The following SKA2 variants were observed in gnomAD, a reference collection of about 807,000 sequenced individuals.
SKA2 encodes spindle and kinetochore associated complex subunit 2.
A neutral mutation model predicts 16.9 loss-of-function variants in SKA2; 13 were observed. That is an observed-to-expected ratio of 0.77 (90% CI 0.50 to 1.22). SKA2 has a LOEUF of 1.22. SKA2 is among the 50% of genes most tolerant of loss of function. The pLI, the probability that SKA2 is intolerant of heterozygous loss-of-function variation, is 0.00. For missense variants in SKA2, 107 were observed against 139.7 expected (o/e 0.77, Z 1.18); for synonymous variants, 47 against 48.5 (o/e 0.97, Z 0.13).
rs556106581 is a variant in SKA2, at chr17:59,126,600, TC to T, written c.120+4680del. On this transcript the variant is annotated intron_variant, in intron 2 of 3. Coordinates refer to ENST00000330137, the MANE Select transcript of SKA2 (RefSeq NM_182620.4). ...ATCATTAAGACTGATGTTGGACAAA[TC>T]TACAAAGATTAAAATCATGGCTTTA... Among the ~76,000 whole-genome samples the T allele has an allele frequency of 5.8e-4, 88 of 152,304 alleles. 2 individuals are homozygous for T. The highest frequency in any genetic ancestry group is 2.0e-3 in the African/African-American group (84 of 41,560).
chr17:59,141,246 A>C (rs1186572326), intron 1 of SKA2, among the ~76,000 whole-genome samples: 1 of 151,996 alleles, frequency 6.6e-6, no homozygotes, highest in Non-Finnish European at 1.5e-5. Context: ...AAAATACAAA[A>C]ATTGGCTGGG....
chr17:59,133,737 T>C (rs1227038321), intron 1 of SKA2, among the ~76,000 whole-genome samples: 2 of 152,170 alleles, frequency 1.3e-5, no homozygotes, highest in Non-Finnish European at 2.9e-5. Flanking sequence ...CTAGTTTCCA[T>C]CACTAATAAT....
At chr17:59,130,296 T>C (rs563915169) in intron 2 of SKA2, among the ~76,000 whole-genome samples, 5 of 152,044 alleles carry the variant, frequency 3.3e-5, no homozygotes, top group Admixed American at 6.6e-5. Context: ...CACTGTTTCT[T>C]GTCTGCTGGT....
At chr17:59,124,613 G>A (rs1023761545) in intron 2 of SKA2, among the ~76,000 whole-genome samples, 3 of 152,104 alleles carry the variant, frequency 2.0e-5, no homozygotes, top group Admixed American at 6.6e-5. Context: ...GGAGAATGAT[G>A]AGTTCCCCAA....
intron 1 of SKA2, among the ~76,000 whole-genome samples, chr17:59,153,820 G>A (rs944102169): frequency 6.6e-6 from 1 of 151,684 alleles, no homozygotes; most frequent in Non-Finnish European, 1.5e-5. Flanking sequence ...TCGCAAGGCC[G>A]GAGTACAGTG....
At chr17:59,130,746 T>C (rs2046406811) in intron 2 of SKA2, among the ~76,000 whole-genome samples, 1 of 152,196 alleles carries the variant, frequency 6.6e-6, no homozygotes, top group Admixed American at 6.6e-5. Context: ...TTGGAGATTA[T>C]TTACTTTCAC....
chr17:59,137,510 T>G (rs2046454763), intron 1 of SKA2, among the ~76,000 whole-genome samples: 1 of 152,150 alleles, frequency 6.6e-6, no homozygotes. Context: ...TGTCCCTAGG[T>G]TAAGTCCCTC....
chr17:59,138,919 G>A (rs996039261), intron 1 of SKA2, among the ~76,000 whole-genome samples: 1 of 152,120 alleles, frequency 6.6e-6, no homozygotes, highest in Non-Finnish European at 1.5e-5. Flanking sequence ...CATTGCCACC[G>A]TATGCTCTCC....
intron 1 of SKA2, among the ~76,000 whole-genome samples, chr17:59,153,962 G>T (rs1358361028): frequency 6.6e-6 from 1 of 151,668 alleles, no homozygotes; most frequent in East Asian, 1.9e-4. Flanking sequence ...AGTATAGACG[G>T]AGTTTCACCA....
In SKA2 at chr17:59,112,086, A is replaced by G; in HGVS notation, c.*191T>C. ...ATTCTCATTTGATCCTTTTGGCTGA[A>G]CTTTATTCATATATTATCTGCCCTT... On this transcript the variant is annotated 3_prime_UTR_variant, in exon 4 of 4. Transcript: ENST00000330137. 1.7e-6 allele frequency: 1 copy of G among 571,798 alleles called. No individual in the cohort carries two copies. 35.4% of individuals were successfully genotyped at this position (571,798 alleles called of 1,614,324 possible).
At chr17:59,112,841 T>C (rs966959891) in intron 3 of SKA2, among the ~76,000 whole-genome samples, 3 of 152,110 alleles carry the variant, frequency 2.0e-5, no homozygotes, top group African/African-American at 4.8e-5. Context: ...CACTGTATTG[T>C]GGAAGGAATA....
At chr17:59,115,233 C>A (rs991200171) in intron 3 of SKA2, among the ~76,000 whole-genome samples, 20 of 151,532 alleles carry the variant, frequency 1.3e-4, no homozygotes, top group Admixed American at 3.9e-4. Flanking sequence ...TTTTGTATTT[C>A]TTTAGTAGAG....
Position 59,124,609 on chromosome 17 carries a change from T to C in SKA2, c.121-5114A>G, listed in dbSNP as rs73319250. On this transcript the variant is annotated intron_variant, in intron 2 of 3. Coordinates refer to ENST00000330137, the MANE Select transcript of SKA2 (RefSeq NM_182620.4). ...CATGTATTAATATAACTCAGGAGAA[T>C]GATGAGTTCCCCAAATACAGATTCA... 9.1e-3 allele frequency among the ~76,000 whole-genome samples: 1,392 copies of C among 152,206 alleles called. 26 individuals carry two copies. Among genetic ancestry groups the C allele is most frequent in the African/African-American group, 0.031 (1,284 of 41,504 alleles).
At chr17:59,153,504 AT>A (rs1356284460) in intron 1 of SKA2, among the ~76,000 whole-genome samples, 1 of 152,126 alleles carries the variant, frequency 6.6e-6, no homozygotes, top group Admixed American at 6.6e-5. Context: ...TTCAAATTAA[AT>A]TTGTATATGA....
At chr17:59,154,949 C>T (rs1239879995) in intron 1 of SKA2, 182 bp downstream of exon 1, 9 of 1,613,888 alleles carry the variant, frequency 5.6e-6, no homozygotes, top group Non-Finnish European at 7.6e-6. Context: ...CGGATGTAAC[C>T]CCTTACCCGA....
chr17:59,123,021 CA>C lies in SKA2; in HGVS notation c.121-3527del, dbSNP rs1197154280. Among the ~76,000 whole-genome samples, 378 of 49,154 alleles carry C rather than the reference CA, an allele frequency of 7.7e-3. 1 individual carries two copies. Among genetic ancestry groups the C allele is most frequent in the Admixed American group, 0.01 (44 of 4,264 alleles). 32.2% of individuals were successfully genotyped at this position (49,154 alleles called of 152,430 possible). A position where few individuals can be genotyped will look rare whatever the true frequency, so the allele number is the denominator to read the frequency against. ...TGGGCGGCAGAGCAAAACCTTGTCT[CA>C]AAAAAAAAAAAAAAAAAGAAAAGAA... is the stretch of plus-strand genomic sequence containing the variant. On this transcript the variant is annotated intron_variant, in intron 2 of 3. Transcript: ENST00000330137.
intron 2 of SKA2, among the ~76,000 whole-genome samples, chr17:59,126,823 T>C (rs1200292450): frequency 1.3e-5 from 2 of 152,208 alleles, no homozygotes; most frequent in South Asian, 2.1e-4. Flanking sequence ...CCAGTGTTCA[T>C]AGTAGCATTA....
At chr17:59,136,251 C>G (rs1321858521) in intron 1 of SKA2, among the ~76,000 whole-genome samples, 2 of 151,934 alleles carry the variant, frequency 1.3e-5, no homozygotes, top group African/African-American at 4.8e-5. Flanking sequence ...CAACCTCTAC[C>G]TCCCAGGTTC....
At chr17:59,113,843 T>C (rs1599655387) in intron 3 of SKA2, among the ~76,000 whole-genome samples, 1 of 150,466 alleles carries the variant, frequency 6.6e-6, no homozygotes, top group African/African-American at 2.4e-5. Flanking sequence ...AAAAAAAAGA[T>C]AAAGGAAAAT....
Sources: allele counts gnomAD v4.1 joint callset (sites outside exome capture counted in the v4.1 genomes callset), GRCh38; gene constraint gnomAD v4.1.1; transcripts MANE v1.5; gene names NCBI Gene and HGNC (gene_info 2026-07-23, HGNC 2026-07-21).